The following RPS6KC1 variants were observed in gnomAD, a reference collection of about 807,000 sequenced individuals.
RPS6KC1 encodes the protein ribosomal protein S6 kinase C1, also known as inactive ribosomal protein S6 kinase delta-1.
RPS6KC1 carries 54 observed loss-of-function variants against 103.8 expected under a neutral mutation model. The observed-to-expected ratio is 0.52, with a 90% CI of 0.42 to 0.65. RPS6KC1 has a LOEUF of 0.65. Among genes scored for constraint, RPS6KC1 ranks in the 30% least tolerant of loss-of-function variants. RPS6KC1 has a pLI of 0.00. For missense variants in RPS6KC1, 1,151 were observed against 1,253.8 expected (o/e 0.92, Z 1.24); for synonymous variants, 439 against 438.7 (o/e 1.00, Z -0.01).
the RPS6KC1 span, among the ~76,000 whole-genome samples, chr1:213,647,925 C>T: frequency 1.3e-5 from 2 of 152,086 alleles, no homozygotes. Flanking sequence ...ACCTGTTGAG[C>T]ACTGCACAAC....
chr1:213,786,295 A>G, the RPS6KC1 span, among the ~76,000 whole-genome samples: 1 of 152,132 alleles, frequency 6.6e-6, no homozygotes, highest in Non-Finnish European at 1.5e-5. Context: ...CAATAATAAA[A>G]TTGTTCTATT....
chr1:213,599,864 A>G, the RPS6KC1 span, among the ~76,000 whole-genome samples: 2 of 152,148 alleles, frequency 1.3e-5, no homozygotes, highest in African/African-American at 4.8e-5. Context: ...TCAGGTGCTC[A>G]GGATCCCAGC....
chr1:213,302,627 G>A, the RPS6KC1 span, among the ~76,000 whole-genome samples: 2 of 152,330 alleles, frequency 1.3e-5, no homozygotes, highest in East Asian at 3.9e-4. Context: ...AGGCGGGGTT[G>A]ACGTGTCGTG....
chr1:213,329,574 A>ATT, the RPS6KC1 span, among the ~76,000 whole-genome samples: 6,774 of 146,064 alleles, frequency 0.046, 473 homozygotes, highest in African/African-American at 0.16. Flanking sequence ...TATTCAGTTG[A>ATT]TTTTTTTTTT....
intron 6 of RPS6KC1, among the ~76,000 whole-genome samples, chr1:213,154,337 C>T (rs945631520): frequency 3.3e-5 from 5 of 152,246 alleles, no homozygotes; most frequent in African/African-American, 1.2e-4. Flanking sequence ...TCCTTCCCTT[C>T]CTGGTGATGA....
chr1:213,121,720 T>G (rs1277228371), intron 5 of RPS6KC1, among the ~76,000 whole-genome samples: 1 of 152,192 alleles, frequency 6.6e-6, no homozygotes, highest in East Asian at 1.9e-4. Context: ...TAGTCTCATC[T>G]GGTAACCTGT....
At chr1:213,726,881 T>C in the RPS6KC1 span, among the ~76,000 whole-genome samples, 1 of 152,246 alleles carries the variant, frequency 6.6e-6, no homozygotes, top group African/African-American at 2.4e-5. Flanking sequence ...TATGGGATGA[T>C]GTGCTGCAAA....
chr1:213,480,744 T>C, the RPS6KC1 span, among the ~76,000 whole-genome samples: 1 of 152,124 alleles, frequency 6.6e-6, no homozygotes, highest in African/African-American at 2.4e-5. Flanking sequence ...CTCCTACTAT[T>C]CCATATTATA....
At chr1:213,482,017 T>G in the RPS6KC1 span, among the ~76,000 whole-genome samples, 1 of 152,108 alleles carries the variant, frequency 6.6e-6, no homozygotes, top group Non-Finnish European at 1.5e-5. Flanking sequence ...GCTCCTGTTC[T>G]CACCATGTGA....
intron 6 of RPS6KC1, among the ~76,000 whole-genome samples, chr1:213,162,445 G>A (rs973369276): frequency 2.0e-5 from 3 of 151,720 alleles, no homozygotes; most frequent in Admixed American, 6.6e-5. Flanking sequence ...CAGGCCTGGC[G>A]AATTAAAAAA....
At chr1:213,410,185 A>G in the RPS6KC1 span, among the ~76,000 whole-genome samples, 2 of 152,300 alleles carry the variant, frequency 1.3e-5, no homozygotes, top group African/African-American at 2.4e-5. Flanking sequence ...AGACTTGAGC[A>G]TGTTTAGGAT....
chr1:213,514,782 C>T, the RPS6KC1 span, among the ~76,000 whole-genome samples: 1 of 152,148 alleles, frequency 6.6e-6, no homozygotes, highest in Admixed American at 6.5e-5. Context: ...ATTTGTAATT[C>T]TAGATCCCTG....
chr1:213,179,638 A>C (rs1410916774), intron 8 of RPS6KC1, among the ~76,000 whole-genome samples: 2 of 152,204 alleles, frequency 1.3e-5, no homozygotes, highest in Non-Finnish European at 2.9e-5. Flanking sequence ...GTTTCATTAC[A>C]GTATTTGGTT....
At chr1:213,778,026 C>T in the RPS6KC1 span, among the ~76,000 whole-genome samples, 3 of 152,090 alleles carry the variant, frequency 2.0e-5, no homozygotes, top group South Asian at 2.1e-4. Flanking sequence ...AGCTAGTGTG[C>T]GCTGCAGCCA....
At chr1:213,239,678 G>A (rs1046139554) in intron 10 of RPS6KC1, among the ~76,000 whole-genome samples, 2 of 152,016 alleles carry the variant, frequency 1.3e-5, no homozygotes, top group African/African-American at 4.8e-5. Context: ...TGAATAGAGG[G>A]ATTTATTTTT....
Position 213,189,464 on chromosome 1 carries a change from A to AAAAAAGTG in RPS6KC1, c.1044+12973_1044+12980dup, listed in dbSNP as rs1237109511. ...CCTTTGTCTCAAAAAAAAAAAAAAA[A>AAAAAAGTG]AAAAAGTGTACGTTGACATATCCTC... On this transcript the variant is annotated intron_variant, in intron 8 of 14. Transcript: ENST00000366960. Among the ~76,000 whole-genome samples, 3 of 151,874 alleles carry AAAAAAGTG rather than the reference A, an allele frequency of 2.0e-5. No individual in the cohort carries two copies. In the East Asian group the frequency reaches 5.8e-4, roughly 29 times the overall value.
chr1:213,511,507 A>G, the RPS6KC1 span, among the ~76,000 whole-genome samples: 94 of 152,282 alleles, frequency 6.2e-4, no homozygotes, highest in Non-Finnish European at 1.1e-3. Context: ...GGGAGATGCT[A>G]ATGTAGGGAT....
chr1:213,182,977 A>C (rs1262874925), intron 8 of RPS6KC1, among the ~76,000 whole-genome samples: 1 of 150,924 alleles, frequency 6.6e-6, no homozygotes, highest in African/African-American at 2.4e-5. Flanking sequence ...AAAAAGTAAA[A>C]GGATGGAAAT....
the RPS6KC1 span, among the ~76,000 whole-genome samples, chr1:213,694,723 G>A: frequency 6.6e-6 from 1 of 152,188 alleles, no homozygotes; most frequent in South Asian, 2.1e-4. Context: ...TAGATTGCCT[G>A]AACAATACTA....
Sources: gnomAD v4.1 joint callset for allele counts (sites outside exome capture counted in the v4.1 genomes callset) on GRCh38, gnomAD v4.1.1 for gene constraint, MANE v1.5 for transcripts, NCBI Gene and HGNC (gene_info 2026-07-23, HGNC 2026-07-21) for gene names.